The following AUH variants were observed in gnomAD, a reference collection of about 807,000 sequenced individuals.
AUH encodes methylglutaconyl-CoA hydratase, mitochondrial.
A neutral mutation model predicts 42.3 loss-of-function variants in AUH; 29 were observed. The observed-to-expected ratio is 0.69, with a 90% CI of 0.51 to 0.93. The LOEUF (loss-of-function observed/expected upper bound fraction) is 0.93. Ranked by LOEUF, AUH falls within the 40% of genes least tolerant of loss-of-function variation. The pLI, the probability that AUH is intolerant of heterozygous loss-of-function variation, is 0.00. For missense variants in AUH, 452 were observed against 438.1 expected, an observed-to-expected ratio of 1.03 and a Z score of -0.28; for synonymous variants, 174 against 166.4, an observed-to-expected ratio of 1.05 and a Z score of -0.35.
chr9:91,298,376 T>TA (rs1298160111), intron 4 of AUH, among the ~76,000 whole-genome samples: 1 of 152,234 alleles, frequency 6.6e-6, no homozygotes, highest in East Asian at 1.9e-4. Context: ...TACGATTTCT[T>TA]AATCTTAGAG....
At chr9:91,349,814 C>G (rs1831826347) in intron 3 of AUH, among the ~76,000 whole-genome samples, 2 of 152,136 alleles carry the variant, frequency 1.3e-5, no homozygotes. Flanking sequence ...CTCACATAAT[C>G]CATGTAGCCA....
intron 4 of AUH, among the ~76,000 whole-genome samples, chr9:91,316,478 C>G (rs1255193060): frequency 6.6e-6 from 1 of 152,198 alleles, no homozygotes; most frequent in African/African-American, 2.4e-5. Flanking sequence ...AGCAGTTACA[C>G]CAGTTCAGCT....
intron 6 of AUH, among the ~76,000 whole-genome samples, chr9:91,290,987 A>T (rs984812666): frequency 6.6e-6 from 1 of 152,262 alleles, no homozygotes; most frequent in East Asian, 1.9e-4. Flanking sequence ...TCAGTTTTGG[A>T]GGCCAGAAAT....
At chr9:91,289,772 ATCT>A (rs61033550) in intron 6 of AUH, among the ~76,000 whole-genome samples, 3,842 of 152,320 alleles carry the variant, frequency 0.025, 78 homozygotes, top group East Asian at 0.066. Context: ...TGGATAAAAA[ATCT>A]TCTGTGGATG....
At chr9:91,273,929 T>C (rs1204135334) in intron 6 of AUH, among the ~76,000 whole-genome samples, 2 of 152,152 alleles carry the variant, frequency 1.3e-5, no homozygotes, top group Non-Finnish European at 2.9e-5. Context: ...TTCTCAGAGG[T>C]GGAAAAGGGC....
At chr9:91,263,607 T>C (rs750217388) in intron 6 of AUH, among the ~76,000 whole-genome samples, 4 of 152,246 alleles carry the variant, frequency 2.6e-5, no homozygotes, top group Non-Finnish European at 5.9e-5. Flanking sequence ...TCTCAAAATA[T>C]GTAAATGTAG....
At position 91,244,244 on chromosome 9, in the gene AUH, G is replaced by A. The variant is rs184603438; in HGVS notation, c.656-23252C>T. On this transcript the variant is annotated intron_variant, in intron 6 of 9. Coordinates refer to ENST00000375731, the MANE Select transcript of AUH (RefSeq NM_001698.3). ...CTATTGCTTCTTTAGGTTCAGTTGG[G>A]TAATTTATAAAAATCATCCAATATT... 1.3e-3 allele frequency among the ~76,000 whole-genome samples: 200 copies of A among 152,254 alleles called. 2 individuals carry two copies. The highest frequency in any genetic ancestry group is 4.4e-3 in the African/African-American group (182 of 41,550).
intron 4 of AUH, among the ~76,000 whole-genome samples, chr9:91,315,085 C>T (rs1587841552): frequency 1.3e-5 from 2 of 152,306 alleles, no homozygotes; most frequent in African/African-American, 2.4e-5. Context: ...TACAGGCGTG[C>T]GCCACCACGT....
chr9:91,354,800 T>C (rs1832280617), intron 3 of AUH, among the ~76,000 whole-genome samples: 2 of 152,240 alleles, frequency 1.3e-5, no homozygotes, highest in South Asian at 2.1e-4. Context: ...CAATGACCTT[T>C]AGAGAACCTC....
At chr9:91,353,900 G>A (rs923955085) in intron 3 of AUH, among the ~76,000 whole-genome samples, 2 of 150,144 alleles carry the variant, frequency 1.3e-5, no homozygotes, top group Non-Finnish European at 3.0e-5. Context: ...AAGAGGCCAT[G>A]TGTGGCCTGT....
intron 6 of AUH, among the ~76,000 whole-genome samples, chr9:91,258,541 T>G (rs772806042): frequency 2.0e-5 from 3 of 152,360 alleles, no homozygotes; most frequent in Non-Finnish European, 4.4e-5. Context: ...AGCCTCTGTA[T>G]GTCTTTTATT....
At chr9:91,316,937 ACT>A in intron 4 of AUH, among the ~76,000 whole-genome samples, 1 of 152,160 alleles carries the variant, frequency 6.6e-6, no homozygotes, top group South Asian at 2.1e-4. Context: ...GTTTTAAGAA[ACT>A]CTTCTCTCTG....
intron 8 of AUH, among the ~76,000 whole-genome samples, chr9:91,216,465 A>T (rs968607663): frequency 2.7e-5 from 4 of 148,992 alleles, no homozygotes; most frequent in Non-Finnish European, 5.9e-5. Flanking sequence ...CACACACACG[A>T]TGCTTAATAC....
chr9:91,297,466 T>C (rs936629881), intron 5 of AUH, among the ~76,000 whole-genome samples: 3 of 152,182 alleles, frequency 2.0e-5, no homozygotes, highest in Non-Finnish European at 4.4e-5. Context: ...AGTACTTAGA[T>C]TAACATCCAC....
chr9:91,252,470 G>A (rs77732008), intron 6 of AUH, among the ~76,000 whole-genome samples: 15,514 of 152,018 alleles, frequency 0.1, 848 homozygotes, highest in African/African-American at 0.13. Flanking sequence ...CTCTGAGGTG[G>A]TGCCATCACC....
chr9:91,305,912 C>T (rs570271136), intron 4 of AUH, among the ~76,000 whole-genome samples: 2 of 152,284 alleles, frequency 1.3e-5, no homozygotes, highest in South Asian at 2.1e-4. Context: ...ATCCTTCCAT[C>T]CTTCCCCTAA....
At chr9:91,230,540 T>G (rs1024668755) in intron 6 of AUH, among the ~76,000 whole-genome samples, 1 of 152,248 alleles carries the variant, frequency 6.6e-6, no homozygotes. Flanking sequence ...GTCTGAAGCC[T>G]TCTTCTCTCA....
At chr9:91,225,548 A>T (rs1213191556) in intron 6 of AUH, among the ~76,000 whole-genome samples, 6 of 150,428 alleles carry the variant, frequency 4.0e-5, no homozygotes, top group African/African-American at 9.8e-5. Context: ...CTTTTTTTTT[A>T]TTATTATTAT....
intron 6 of AUH, among the ~76,000 whole-genome samples, chr9:91,263,670 C>A (rs1378715136): frequency 6.6e-6 from 1 of 152,112 alleles, no homozygotes; most frequent in East Asian, 1.9e-4. Flanking sequence ...CTCCCTATAC[C>A]ATGACCCATT....
Sources: allele counts gnomAD v4.1 joint callset (sites outside exome capture counted in the v4.1 genomes callset), GRCh38; gene constraint gnomAD v4.1.1; transcripts MANE v1.5; gene names NCBI Gene and HGNC (gene_info 2026-07-23, HGNC 2026-07-21).